The following TSHZ3 variants were observed in gnomAD, a reference collection of about 807,000 sequenced individuals.
The protein encoded by TSHZ3 is teashirt zinc finger homeobox 3.
A neutral mutation model predicts 64.5 loss-of-function variants in TSHZ3; 10 were observed. The ratio of observed to expected loss-of-function variants is 0.16; its 90% CI spans 0.10 to 0.26. TSHZ3 has a LOEUF of 0.26. Ranked by LOEUF, TSHZ3 falls within the 10% of genes least tolerant of loss-of-function variation. The pLI, the probability that TSHZ3 is intolerant of heterozygous loss-of-function variation, is 1.00. For synonymous variants in TSHZ3, 608 were observed against 593.1 expected (o/e 1.03, Z -0.36); for missense variants, 1,242 against 1,421.7 (o/e 0.87, Z 2.03).
chr19:31,185,797 A>G (rs1209997751), intron 5 of TSHZ3, among the ~76,000 whole-genome samples: 1 of 152,194 alleles, frequency 6.6e-6, no homozygotes, highest in Non-Finnish European at 1.5e-5. Context: ...CACCCCAGGA[A>G]GTTCCATCAT....
intron 1 of TSHZ3, among the ~76,000 whole-genome samples, chr19:31,316,407 ACT>A (rs1324362320): frequency 6.6e-6 from 1 of 152,032 alleles, no homozygotes; most frequent in Non-Finnish European, 1.5e-5. Flanking sequence ...CTGCTCGGAG[ACT>A]CTGGGGAAAA....
At chr19:31,176,903 G>A (rs1234345344) in intron 5 of TSHZ3, among the ~76,000 whole-genome samples, 1 of 152,172 alleles carries the variant, frequency 6.6e-6, no homozygotes, top group Non-Finnish European at 1.5e-5. Context: ...ACAAGAACCT[G>A]GAGCAAACAG....
At chr19:31,215,570 TA>T (rs1454498461) in intron 4 of TSHZ3, among the ~76,000 whole-genome samples, 6 of 152,222 alleles carry the variant, frequency 3.9e-5, no homozygotes, top group African/African-American at 1.4e-4. Context: ...TTAATAGGAA[TA>T]TTTACAGAAA....
intron 1 of TSHZ3, among the ~76,000 whole-genome samples, chr19:31,286,419 T>C (rs1033200132): frequency 6.6e-6 from 1 of 152,240 alleles, no homozygotes; most frequent in Non-Finnish European, 1.5e-5. Flanking sequence ...CTGCCTAATA[T>C]GAGCATGTTT....
At chr19:31,302,192 G>A (rs948150671) in intron 1 of TSHZ3, among the ~76,000 whole-genome samples, 1 of 152,188 alleles carries the variant, frequency 6.6e-6, no homozygotes, top group African/African-American at 2.4e-5. Context: ...AGGGTGCACA[G>A]GAGTGACCCC....
Position 31,276,437 on chromosome 19 carries a change from G to T in TSHZ3, c.*110C>A. On this transcript the variant is annotated 3_prime_UTR_variant, in exon 2 of 2. Coordinates refer to ENST00000240587, the MANE Select transcript of TSHZ3 (RefSeq NM_020856.4). The stretch of plus-strand genomic sequence containing the variant: ...ACAGTCCAGCCCAGAGTGATTCTCT[G>T]CAGTTAAAATAAGAACATGTGCCAA... The T allele has an allele frequency of 2.9e-6, 3 of 1,026,594 alleles. No individual in the cohort carries two copies. Among genetic ancestry groups the T allele is most frequent in the Non-Finnish European group, 4.3e-6 (3 of 693,618 alleles). The allele number at this position is 1,026,594 out of a possible 1,614,324, so 63.6% of individuals were successfully genotyped here.
Position 31,277,244 on chromosome 19 carries a change from A to C in TSHZ3, c.2549T>G (p.Met850Arg), listed in dbSNP as rs1197958811. ...RENALSDISD[M>R]LKNLTESHTS... ...GTGGCTCTCTGTCAAGTTCTTCAGC[A>C]TATCGGATATATCTGACAAGGCATT... Residue 850 changes from methionine to arginine, a missense_variant, in exon 2 of 2, where the codon ATG becomes AGG. Physicochemically the swap from Met to Arg is moderately conservative, Grantham distance 91. This residue lies in a region of TSHZ3 where 550 missense variants were observed against 545.1 expected (regional missense o/e 1.01). Coordinates refer to ENST00000240587, the MANE Select transcript of TSHZ3 (RefSeq NM_020856.4). The surrounding 1 kb of genome is among the most constrained non-coding windows in gnomAD (Gnocchi z 4.5). The C allele has an allele frequency of 6.2e-7, 1 of 1,614,182 alleles. No individual in the cohort carries two copies. Among genetic ancestry groups the C allele is most frequent in the Non-Finnish European group, 8.5e-7 (1 of 1,180,012 alleles).
At chr19:31,212,182 G>A (rs754977596) in intron 4 of TSHZ3, among the ~76,000 whole-genome samples, 4 of 152,080 alleles carry the variant, frequency 2.6e-5, no homozygotes, top group Non-Finnish European at 4.4e-5. Flanking sequence ...GTGGCCAGAC[G>A]CCATGGCTCA....
chr19:31,224,205 C>A (rs1975429143), intron 4 of TSHZ3, among the ~76,000 whole-genome samples: 1 of 152,182 alleles, frequency 6.6e-6, no homozygotes, highest in African/African-American at 2.4e-5. Context: ...TTTGTCTAAA[C>A]CATGCTGTAT....
At position 31,274,969 on chromosome 19, in the gene TSHZ3, G is replaced by A. The variant is rs1180262632; in HGVS notation, c.*1578C>T. On this transcript the variant is annotated 3_prime_UTR_variant, in exon 2 of 2. Transcript: ENST00000240587. ...ATTATAGCAAAAAGACAATTTTAAT[G>A]CTGCCGTAGAAAAAAGGGTTATATG... The A allele has an allele frequency of 1.3e-5, 2 of 152,382 alleles. No homozygotes were observed. The highest frequency in any genetic ancestry group is 4.8e-5 in the African/African-American group (2 of 41,350). The allele number at this position is 152,382 out of a possible 1,614,324, so 9.4% of individuals were successfully genotyped here.
chr19:31,292,073 C>A (rs1472213586), intron 1 of TSHZ3, among the ~76,000 whole-genome samples: 1 of 152,202 alleles, frequency 6.6e-6, no homozygotes, highest in African/African-American at 2.4e-5. Context: ...AATAAAGAAT[C>A]CAGGGTCTGA....
chr19:31,175,073 G>T (rs553196465), intron 5 of TSHZ3, among the ~76,000 whole-genome samples: 1 of 152,282 alleles, frequency 6.6e-6, no homozygotes, highest in South Asian at 2.1e-4. Context: ...GAGCCTTGTG[G>T]TCTCACCCCA....
Position 31,278,429 on chromosome 19 carries a change from G to A in TSHZ3, c.1364C>T (p.Pro455Leu), listed in dbSNP as rs1425622220. ...GGAGATGCTGGCAGGTGTATTGGAGGGGGACGTGAAGGTGGTGGCTGCCAG... is the reference window on the plus strand; with the variant it reads ...GGAGATGCTGGCAGGTGTATTGGAGAGGGACGTGAAGGTGGTGGCTGCCAG... ...VPLAATTFTS[P>L]SNTPASISPK... The change falls in exon 2 of 2, where the codon CCC (proline) becomes CTC (leucine). Residue 455 changes from proline (P) to leucine (L), a missense_variant. Coordinates refer to ENST00000240587, the MANE Select transcript of TSHZ3 (RefSeq NM_020856.4). This position sits in a 1 kb window ranked among gnomAD's most constrained non-coding sequence, Gnocchi z 4.7. 1 of 1,614,006 alleles carries A rather than the reference G, an allele frequency of 6.2e-7. No individual in the cohort carries two copies. Among genetic ancestry groups the A allele is most frequent in the Non-Finnish European group, 8.5e-7 (1 of 1,180,050 alleles).
At chr19:31,190,098 T>C (rs1464267115) in intron 5 of TSHZ3, among the ~76,000 whole-genome samples, 1 of 152,180 alleles carries the variant, frequency 6.6e-6, no homozygotes, top group Non-Finnish European at 1.5e-5. Flanking sequence ...TACATTTTGC[T>C]CTGTTACCAA....
intron 3 of TSHZ3, among the ~76,000 whole-genome samples, chr19:31,234,390 A>T (rs1975579837): frequency 6.6e-6 from 1 of 152,028 alleles, no homozygotes. Flanking sequence ...GCCTTATGGC[A>T]TTGGCTAGGA....
intron 5 of TSHZ3, among the ~76,000 whole-genome samples, chr19:31,171,691 G>T (rs1974536857): frequency 6.6e-6 from 1 of 152,064 alleles, no homozygotes; most frequent in Non-Finnish European, 1.5e-5. Context: ...GCCTATAAAA[G>T]GTATTTATGC....
chr19:31,349,959 T>G (rs1030908887), upstream of TSHZ3, among the ~76,000 whole-genome samples: 1 of 87,154 alleles, frequency 1.1e-5, no homozygotes, highest in East Asian at 3.5e-4. Flanking sequence ...GCGAAAGGGG[T>G]GCCGCCCCTC....
At chr19:31,213,385 A>AAAAAAAAAAAAAAAAAAAC (rs1568349938) in intron 4 of TSHZ3, among the ~76,000 whole-genome samples, 1 of 147,696 alleles carries the variant, frequency 6.8e-6, no homozygotes, top group Admixed American at 6.8e-5. Flanking sequence ...AAAAAAAAAA[A>AAAAAAAAAAAAAAAAAAAC]AAAAAATCAG....
At position 31,278,982 on chromosome 19, in the gene TSHZ3, C is replaced by T. The variant is rs535604105; in HGVS notation, c.811G>A (p.Ala271Thr). ...SLLEMEGKEDAQKVLKCMYCG... is the reference protein window; with the variant it reads ...SLLEMEGKEDTQKVLKCMYCG... ...TACATGCACTTCAGCACCTTCTGGG[C>T]GTCTTCCTTCCCTTCCATTTCCAGC... The change falls in exon 2 of 2, where the codon GCC becomes ACC. Residue 271 changes from alanine to threonine, a missense_variant. Ala to Thr is a moderately conservative substitution (Grantham distance 58). This residue lies in a region of TSHZ3 where 555 missense variants were observed against 704.0 expected (regional missense o/e 0.79). Transcript: ENST00000240587. This position sits in a 1 kb window ranked among gnomAD's most constrained non-coding sequence, Gnocchi z 4.7. 8 of 1,614,062 alleles carry T rather than the reference C, an allele frequency of 5.0e-6. No individual in the cohort carries two copies. Among genetic ancestry groups the T allele is most frequent in the South Asian group, 2.2e-5 (2 of 91,070 alleles).
Sources: gnomAD v4.1 joint callset for allele counts (sites outside exome capture counted in the v4.1 genomes callset) on GRCh38, gnomAD v4.1.1 for gene constraint, gnomAD v4.1.1 regional missense constraint, Gnocchi (gnomAD v3.1) non-coding constraint, MANE v1.5 for transcripts, NCBI Gene and HGNC (gene_info 2026-07-23, HGNC 2026-07-21) for gene names.